The following STON2 variants were observed in gnomAD, a reference collection of about 807,000 sequenced individuals.
The protein encoded by STON2 is stonin-2.
A neutral mutation model predicts 65.7 loss-of-function variants in STON2; 29 were observed. That is an observed-to-expected ratio of 0.44 (90% CI 0.33 to 0.60). STON2 has a LOEUF of 0.60. Among genes scored for constraint, STON2 ranks in the 20% least tolerant of loss-of-function variants. The pLI, the probability that STON2 is intolerant of heterozygous loss-of-function variation, is 0.03. For synonymous variants in STON2, 404 were observed against 414.2 expected, an observed-to-expected ratio of 0.98 and a Z score of 0.30; for missense variants, 1,054 against 1,118.1, an observed-to-expected ratio of 0.94 and a Z score of 0.82.
rs1016021752 is a variant in STON2, at chr14:81,390,553, G to A, written c.373+5341C>T. Among the ~76,000 whole-genome samples, 14 of 152,280 alleles carry A rather than the reference G, an allele frequency of 9.2e-5. No individual in the cohort carries two copies. In the East Asian group the frequency reaches 9.6e-4, roughly 10 times the overall value. On this transcript the variant is annotated intron_variant, in intron 3 of 7. Transcript: ENST00000614646. ...CACTCCAGAGCCTGGGCAACAGAGC[G>A]AGACTCCGTCTCAAAAAACAAAACA... is the stretch of plus-strand genomic sequence containing the variant.
chr14:81,385,561 G>A (rs1439207067), intron 3 of STON2, among the ~76,000 whole-genome samples: 2 of 152,134 alleles, frequency 1.3e-5, no homozygotes, highest in South Asian at 2.1e-4. Context: ...ATGGGTAAGA[G>A]GCCAGTTTCC....
chr14:81,317,322 C>T (rs1227504306), intron 5 of STON2, among the ~76,000 whole-genome samples: 2 of 152,166 alleles, frequency 1.3e-5, no homozygotes, highest in Non-Finnish European at 2.9e-5. Context: ...CCAGGCCCCA[C>T]CTCCAAAATA....
chr14:81,336,162 T>G (rs1288080181), intron 4 of STON2, among the ~76,000 whole-genome samples: 1 of 152,194 alleles, frequency 6.6e-6, no homozygotes, highest in African/African-American at 2.4e-5. Context: ...ATTCAAAGTT[T>G]GGCACGCCGT....
intron 2 of STON2, among the ~76,000 whole-genome samples, chr14:81,424,927 C>T (rs2078351879): frequency 1.3e-5 from 2 of 152,296 alleles, no homozygotes; most frequent in South Asian, 4.1e-4. Flanking sequence ...GAGACAGTTT[C>T]TCAAAAACCA....
intron 3 of STON2, among the ~76,000 whole-genome samples, chr14:81,392,026 C>T (rs921322516): frequency 6.6e-6 from 1 of 152,116 alleles, no homozygotes; most frequent in African/African-American, 2.4e-5. Context: ...TGAGATTAGG[C>T]TAAGGCAAGT....
intron 6 of STON2, among the ~76,000 whole-genome samples, chr14:81,271,114 A>C (rs1894572547): frequency 6.6e-6 from 1 of 152,136 alleles, no homozygotes; most frequent in African/African-American, 2.4e-5. Flanking sequence ...ATAAAACCCA[A>C]GGCCTGAGAA....
At chr14:81,418,689 G>A (rs1013330893) in intron 2 of STON2, among the ~76,000 whole-genome samples, 2 of 152,174 alleles carry the variant, frequency 1.3e-5, no homozygotes, top group Non-Finnish European at 2.9e-5. Flanking sequence ...TAGTTCCTGG[G>A]ATCTTTTCTG....
rs1408465668 is a variant in STON2, at chr14:81,263,562, A to C, written c.*4852T>G. Reference sequence around the variant, plus strand: ...CAAAAAAAAAAAAAAAAAAAAAAACAAAAAAGAAAATGCTATTTTTTGGCC... The same window carrying C: ...CAAAAAAAAAAAAAAAAAAAAAAACCAAAAAGAAAATGCTATTTTTTGGCC... On this transcript the variant is annotated 3_prime_UTR_variant, in exon 8 of 8. Transcript: ENST00000614646. 1.5e-5 allele frequency: 3 copies of C among 201,092 alleles called. No individual in the cohort carries two copies. The highest frequency in any genetic ancestry group is 7.3e-5 in the African/African-American group (3 of 40,954). 12.5% of individuals were successfully genotyped at this position (201,092 alleles called of 1,614,324 possible).
intron 7 of STON2, chr14:81,270,143 A>C (rs1164816401): frequency 1.4e-6 from 1 of 697,890 alleles, no homozygotes; most frequent in Admixed American, 6.3e-5. Context: ...GCTGGAGTAC[A>C]GTGGTGCAAT....
chr14:81,423,968 C>T (rs1901841936), intron 2 of STON2, among the ~76,000 whole-genome samples: 1 of 152,158 alleles, frequency 6.6e-6, no homozygotes, highest in Non-Finnish European at 1.5e-5. Flanking sequence ...GGTTTTGATA[C>T]ATGAAATGCA....
At chr14:81,365,024 T>A (rs1027203029) in intron 4 of STON2, among the ~76,000 whole-genome samples, 1 of 152,152 alleles carries the variant, frequency 6.6e-6, no homozygotes, top group African/African-American at 2.4e-5. Context: ...CCCCAGCCCA[T>A]CCCATGGAAC....
At chr14:81,375,425 T>C (rs1161876215) in intron 3 of STON2, among the ~76,000 whole-genome samples, 1 of 151,996 alleles carries the variant, frequency 6.6e-6, no homozygotes, top group African/African-American at 2.4e-5. Flanking sequence ...AGAAAGTTGA[T>C]ATAGTTATAG....
At chr14:81,406,945 T>A (rs561622987) in intron 2 of STON2, among the ~76,000 whole-genome samples, 1 of 152,302 alleles carries the variant, frequency 6.6e-6, no homozygotes, top group South Asian at 2.1e-4. Context: ...TCCAGCTGCT[T>A]CAATTGCCCC....
At chr14:81,317,865 G>A (rs1313547652) in intron 5 of STON2, among the ~76,000 whole-genome samples, 1 of 152,166 alleles carries the variant, frequency 6.6e-6, no homozygotes, top group African/African-American at 2.4e-5. Flanking sequence ...CAGTGGGAAT[G>A]GAAACAGAGG....
chr14:81,367,361 G>A (rs1898784424), intron 4 of STON2, among the ~76,000 whole-genome samples: 1 of 152,054 alleles, frequency 6.6e-6, no homozygotes, highest in Non-Finnish European at 1.5e-5. Flanking sequence ...ATTTTTAGTA[G>A]AGACGGGGTT....
At chr14:81,304,501 T>C (rs1279060760) in intron 5 of STON2, among the ~76,000 whole-genome samples, 6 of 152,094 alleles carry the variant, frequency 3.9e-5, no homozygotes, top group Non-Finnish European at 7.4e-5. Context: ...GGCAGGTGGA[T>C]TGCTTGAGGT....
Position 81,277,594 on chromosome 14 carries a change from C to A in STON2, c.1888G>T (p.Val630Leu). The change falls in exon 6 of 8, where the codon GTG becomes TTG. Residue 630 changes from valine (V) to leucine (L), a missense_variant. Coordinates refer to ENST00000614646, the MANE Select transcript of STON2 (RefSeq NM_001394390.1). ...GLNYLEEEIT[V>L]DVRDEFSGIV... ...CCAGAGAATTCATCTCTGACATCCA[C>A]TGTAATCTCCTCTTCAAGGTAGTTG... 1 of 1,614,210 alleles carries A rather than the reference C, an allele frequency of 6.2e-7. No individual in the cohort carries two copies. The highest frequency in any genetic ancestry group is 8.5e-7 in the Non-Finnish European group (1 of 1,180,040).
intron 1 of STON2, among the ~76,000 whole-genome samples, chr14:81,430,351 G>C (rs770984726): frequency 6.6e-6 from 1 of 152,140 alleles, no homozygotes; most frequent in Non-Finnish European, 1.5e-5. Flanking sequence ...TGAATTCCTC[G>C]TAACGTTCTC....
intron 5 of STON2, among the ~76,000 whole-genome samples, chr14:81,281,923 T>G (rs1445935175): frequency 1.3e-5 from 2 of 152,090 alleles, no homozygotes; most frequent in African/African-American, 4.8e-5. Context: ...TTATCTTCCC[T>G]TTGGCAGTTT....
Sources: allele counts gnomAD v4.1 joint callset (sites outside exome capture counted in the v4.1 genomes callset), GRCh38; gene constraint gnomAD v4.1.1; transcripts MANE v1.5; gene names NCBI Gene and HGNC (gene_info 2026-07-23, HGNC 2026-07-21).